The following FHOD3 variants were observed in gnomAD, a reference collection of about 807,000 sequenced individuals.
FHOD3 encodes FH1/FH2 domain-containing protein 3.
In FHOD3, 90 loss-of-function variants were observed where a neutral mutation model predicts 173.0. The ratio of observed to expected loss-of-function variants is 0.52; its 90% CI spans 0.44 to 0.62. The LOEUF (loss-of-function observed/expected upper bound fraction) is 0.62. Ranked by LOEUF, FHOD3 falls within the 20% of genes least tolerant of loss-of-function variation. The pLI, the probability that FHOD3 is intolerant of heterozygous loss-of-function variation, is 0.00. For missense variants in FHOD3, 1,945 were observed against 2,034.7 expected (o/e 0.96, Z 0.85); for synonymous variants, 828 against 823.0 (o/e 1.01, Z -0.10).
rs1281482247 is a variant in FHOD3, at chr18:36,372,820, G to A, written c.337+76G>A. 1.8e-5 allele frequency: 23 copies of A among 1,276,122 alleles called. No homozygotes were observed. The Admixed American group carries it at 4.1e-4, about 23-fold the overall frequency. 79.0% of individuals were successfully genotyped at this position (1,276,122 alleles called of 1,614,324 possible). On this transcript the variant is annotated intron_variant, in intron 3 of 28. Transcript: ENST00000590592. ...TATGGGAATAAAATAAAGATTCACT[G>A]TTATGCTGTCTGTTTGCACTAGCCC... is the stretch of plus-strand genomic sequence containing the variant.
chr18:36,409,727 A>G (rs956225116), intron 3 of FHOD3, among the ~76,000 whole-genome samples: 2 of 152,158 alleles, frequency 1.3e-5, no homozygotes, highest in African/African-American at 4.8e-5. Context: ...GTATGTGGAA[A>G]AGCTAGAGCT....
At chr18:36,738,018 C>T (rs2041726231) in intron 20 of FHOD3, among the ~76,000 whole-genome samples, 1 of 152,190 alleles carries the variant, frequency 6.6e-6, no homozygotes, top group Non-Finnish European at 1.5e-5. Context: ...CCTCTGGCAC[C>T]TGGTAACCAC....
At chr18:36,464,918 C>A (rs1232776665) in intron 3 of FHOD3, among the ~76,000 whole-genome samples, 1 of 152,152 alleles carries the variant, frequency 6.6e-6, no homozygotes, top group East Asian at 1.9e-4. Flanking sequence ...CAGTGTCCGA[C>A]TATCTTTTTC....
At chr18:36,360,804 A>G (rs1045728362) in intron 2 of FHOD3, among the ~76,000 whole-genome samples, 1 of 152,220 alleles carries the variant, frequency 6.6e-6, no homozygotes, top group Non-Finnish European at 1.5e-5. Flanking sequence ...CTCTCAAAAT[A>G]TCAGGTTTGA....
chr18:36,369,486 C>T (rs908669188), intron 2 of FHOD3, among the ~76,000 whole-genome samples: 7 of 125,354 alleles, frequency 5.6e-5, no homozygotes, highest in Non-Finnish European at 8.1e-5. Context: ...CACACACACA[C>T]ACACACACAC....
chr18:36,612,508 C>T (rs957998782), intron 9 of FHOD3, among the ~76,000 whole-genome samples: 10 of 151,994 alleles, frequency 6.6e-5, no homozygotes, highest in South Asian at 6.2e-4. Flanking sequence ...CAATGCAAAA[C>T]GAAAATGAAG....
chr18:36,526,104 G>A (rs1348930479), intron 5 of FHOD3, among the ~76,000 whole-genome samples: 1 of 152,210 alleles, frequency 6.6e-6, no homozygotes, highest in Non-Finnish European at 1.5e-5. Context: ...TTTACTCATT[G>A]ATTAATCCAG....
chr18:36,437,071 A>G (rs1660287616), intron 3 of FHOD3, among the ~76,000 whole-genome samples: 1 of 152,180 alleles, frequency 6.6e-6, no homozygotes, highest in Non-Finnish European at 1.5e-5. Context: ...GAATATTGGT[A>G]TATGATGTTT....
At chr18:36,308,602 C>T (rs368292929) in intron 1 of FHOD3, among the ~76,000 whole-genome samples, 7 of 152,164 alleles carry the variant, frequency 4.6e-5, no homozygotes, top group East Asian at 1.9e-4. Context: ...CAGACACACC[C>T]GGGCTGTGCA....
intron 3 of FHOD3, among the ~76,000 whole-genome samples, chr18:36,402,543 AC>A (rs2048870021): frequency 1.3e-5 from 2 of 151,856 alleles, no homozygotes; most frequent in Admixed American, 6.6e-5. Flanking sequence ...ACACACACAC[AC>A]ATATGAAAAT....
intron 3 of FHOD3, among the ~76,000 whole-genome samples, chr18:36,461,449 TTG>T (rs1221780288): frequency 1.3e-5 from 2 of 149,136 alleles, no homozygotes; most frequent in African/African-American, 5.0e-5. Context: ...CTGTTTTTTT[TTG>T]TGTGTGTGTT....
chr18:36,324,474 T>A (rs2044563907), intron 1 of FHOD3, among the ~76,000 whole-genome samples: 1 of 152,238 alleles, frequency 6.6e-6, no homozygotes, highest in Non-Finnish European at 1.5e-5. Flanking sequence ...TTATGTGTTA[T>A]CTCTCTTTGT....
chr18:36,656,182 T>G (rs897367822), intron 13 of FHOD3, among the ~76,000 whole-genome samples: 4 of 152,182 alleles, frequency 2.6e-5, no homozygotes, highest in African/African-American at 9.7e-5. Flanking sequence ...CCCTCTTTGC[T>G]CATTGGCTTT....
chr18:36,682,029 G>T (rs2038282070), intron 15 of FHOD3, among the ~76,000 whole-genome samples: 1 of 151,996 alleles, frequency 6.6e-6, no homozygotes, highest in Non-Finnish European at 1.5e-5. Context: ...TTGCTATGTG[G>T]GGGGAAAAGT....
chr18:36,739,512 T>C (rs879917573), intron 20 of FHOD3, among the ~76,000 whole-genome samples: 5 of 152,210 alleles, frequency 3.3e-5, no homozygotes, highest in Non-Finnish European at 7.3e-5. Context: ...ATTATACTGG[T>C]ATTTTGATTG....
chr18:36,422,357 A>G (rs948909870), intron 3 of FHOD3, among the ~76,000 whole-genome samples: 1 of 152,196 alleles, frequency 6.6e-6, no homozygotes, highest in African/African-American at 2.4e-5. Context: ...TTCCATGTAT[A>G]TAGGAATCCT....
intron 17 of FHOD3, among the ~76,000 whole-genome samples, chr18:36,704,725 C>A (rs2039774162): frequency 6.6e-6 from 1 of 152,178 alleles, no homozygotes; most frequent in African/African-American, 2.4e-5. Flanking sequence ...CCAGAGCCCT[C>A]CCCATAGAGA....
chr18:36,505,397 G>A (rs1167279197), intron 4 of FHOD3, among the ~76,000 whole-genome samples: 1 of 152,188 alleles, frequency 6.6e-6, no homozygotes, highest in Non-Finnish European at 1.5e-5. Flanking sequence ...TCGAAGTTCT[G>A]TGTGGAAAGC....
At chr18:36,549,230 T>C (rs1332658237) in intron 5 of FHOD3, among the ~76,000 whole-genome samples, 7 of 152,340 alleles carry the variant, frequency 4.6e-5, no homozygotes, top group African/African-American at 1.2e-4. Flanking sequence ...CATCTTTGGG[T>C]GAATTGTTTG....
Sources: allele counts gnomAD v4.1 joint callset (sites outside exome capture counted in the v4.1 genomes callset), GRCh38; gene constraint gnomAD v4.1.1; transcripts MANE v1.5; gene names NCBI Gene and HGNC (gene_info 2026-07-23, HGNC 2026-07-21).